MAP3K20: variants seen among roughly 807,000 people sequenced by gnomAD.
MAP3K20 encodes the protein HCCS-4.
MAP3K20 carries 40 observed loss-of-function variants against 85.7 expected under a neutral mutation model. The ratio of observed to expected loss-of-function variants is 0.47; its 90% CI spans 0.36 to 0.61. MAP3K20 has a LOEUF of 0.61. MAP3K20 is among the 20% of genes least tolerant of loss of function. The pLI is 0.00. For missense variants in MAP3K20, 817 were observed against 961.7 expected (o/e 0.85, Z 1.99); for synonymous variants, 325 against 327.7 (o/e 0.99, Z 0.09).
chr2:173,151,296 T>C (rs1462117508), intron 2 of MAP3K20, among the ~76,000 whole-genome samples: 1 of 152,228 alleles, frequency 6.6e-6, no homozygotes, highest in East Asian at 1.9e-4. Context: ...GGGAAGCTTC[T>C]AAGAAGCACC....
intron 8 of MAP3K20, among the ~76,000 whole-genome samples, chr2:173,201,825 C>CT (rs1230642603): frequency 2.2e-4 from 34 of 152,186 alleles, no homozygotes; most frequent in African/African-American, 7.7e-4. Flanking sequence ...CATAAAGTGT[C>CT]TGAGTCTAGA....
chr2:173,119,350 T>G (rs1413769857), intron 2 of MAP3K20, among the ~76,000 whole-genome samples: 1 of 152,212 alleles, frequency 6.6e-6, no homozygotes, highest in African/African-American at 2.4e-5. Flanking sequence ...AGGCTAAAGC[T>G]GGCCCACAAG....
intron 3 of MAP3K20, among the ~76,000 whole-genome samples, chr2:173,179,500 T>C (rs1193653387): frequency 6.6e-6 from 1 of 152,110 alleles, no homozygotes; most frequent in African/African-American, 2.4e-5. Flanking sequence ...TAATATCTTA[T>C]TCCACGGTGA....
At chr2:173,179,391 C>CAA (rs56111907) in intron 3 of MAP3K20, among the ~76,000 whole-genome samples, 17,892 of 129,126 alleles carry the variant, frequency 0.14, 1,374 homozygotes, top group South Asian at 0.31. Flanking sequence ...GACTCCATCT[C>CAA]AAAAAAAAAA....
chr2:173,080,969 T>C (rs1015220577), intron 1 of MAP3K20, among the ~76,000 whole-genome samples: 1 of 152,208 alleles, frequency 6.6e-6, no homozygotes, highest in Admixed American at 6.5e-5. Context: ...TCTTTACTTA[T>C]TAAACTTTTC....
chr2:173,153,041 G>A (rs1188125311), intron 2 of MAP3K20, among the ~76,000 whole-genome samples: 5 of 152,158 alleles, frequency 3.3e-5, no homozygotes, highest in Non-Finnish European at 7.3e-5. Context: ...TAATCTCTAA[G>A]TTTTCTATTT....
intron 5 of MAP3K20, among the ~76,000 whole-genome samples, chr2:173,188,561 T>G (rs1690560033): frequency 1.3e-5 from 2 of 151,948 alleles, no homozygotes; most frequent in Admixed American, 1.3e-4. Context: ...ATCGATCAGG[T>G]ACCCTTGCAC....
At chr2:173,108,378 G>T (rs183152995) in intron 2 of MAP3K20, among the ~76,000 whole-genome samples, 4 of 152,128 alleles carry the variant, frequency 2.6e-5, no homozygotes, top group Admixed American at 6.5e-5. Context: ...TGATCCGCCC[G>T]CCTCGGCCTC....
chr2:173,179,398 A>AG (rs1690258626), intron 3 of MAP3K20, among the ~76,000 whole-genome samples: 1 of 151,532 alleles, frequency 6.6e-6, no homozygotes, highest in Non-Finnish European at 1.5e-5. Context: ...TCTCAAAAAA[A>AG]AAAAAAAAGT....
intron 4 of MAP3K20, among the ~76,000 whole-genome samples, chr2:173,186,955 C>T (rs1229680321): frequency 1.3e-5 from 2 of 152,136 alleles, no homozygotes; most frequent in Non-Finnish European, 1.5e-5. Flanking sequence ...TACTTTGTAA[C>T]TACTGTATAC....
chr2:173,216,063 A>C (rs1227132115), intron 10 of MAP3K20, among the ~76,000 whole-genome samples: 6 of 152,018 alleles, frequency 3.9e-5, no homozygotes, highest in Admixed American at 3.9e-4. Flanking sequence ...TCTAGCCTTG[A>C]CTTCCCTCTC....
chr2:173,261,356 G>A (rs1005960571), intron 18 of MAP3K20, among the ~76,000 whole-genome samples: 2 of 152,204 alleles, frequency 1.3e-5, no homozygotes, highest in Non-Finnish European at 2.9e-5. Flanking sequence ...GATAGCGACT[G>A]AGGTAGTACT....
At chr2:173,135,701 G>A (rs1688780416) in intron 2 of MAP3K20, among the ~76,000 whole-genome samples, 1 of 152,162 alleles carries the variant, frequency 6.6e-6, no homozygotes, top group Admixed American at 6.5e-5. Context: ...CTTATAAAAT[G>A]GGGATAATTT....
chr2:173,141,143 T>C (rs1166672393), intron 2 of MAP3K20, among the ~76,000 whole-genome samples: 1 of 152,202 alleles, frequency 6.6e-6, no homozygotes, highest in Non-Finnish European at 1.5e-5. Context: ...GCTACCACAT[T>C]CCTTTTAATA....
At chr2:173,199,899 T>C (rs1690988827) in intron 8 of MAP3K20, among the ~76,000 whole-genome samples, 1 of 152,196 alleles carries the variant, frequency 6.6e-6, no homozygotes, top group Non-Finnish European at 1.5e-5. Flanking sequence ...GAATCACCCA[T>C]GAATAACCTT....
chr2:173,180,412 C>T (rs1477805281), intron 3 of MAP3K20, among the ~76,000 whole-genome samples: 1 of 152,124 alleles, frequency 6.6e-6, no homozygotes, highest in Non-Finnish European at 1.5e-5. Flanking sequence ...GTGGCTCACA[C>T]CTGTAATTCC....
intron 2 of MAP3K20, among the ~76,000 whole-genome samples, chr2:173,132,887 A>G (rs1688657797): frequency 6.6e-6 from 1 of 152,234 alleles, no homozygotes; most frequent in South Asian, 2.1e-4. Context: ...TGCCTAGCAC[A>G]TAGTATTAAA....
intron 11 of MAP3K20, among the ~76,000 whole-genome samples, chr2:173,217,650 CAG>C (rs1420791200): frequency 1.3e-5 from 2 of 152,206 alleles, no homozygotes; most frequent in African/African-American, 2.4e-5. Context: ...CACTGACTAA[CAG>C]AGTCTTTGAT....
At chr2:173,216,139 G>A (rs1684064767) in intron 10 of MAP3K20, among the ~76,000 whole-genome samples, 1 of 152,188 alleles carries the variant, frequency 6.6e-6, no homozygotes, top group Non-Finnish European at 1.5e-5. Context: ...AAGGGAAAGA[G>A]CTTCCAGTTT....
Sources: allele counts gnomAD v4.1 joint callset (sites outside exome capture counted in the v4.1 genomes callset), GRCh38; gene constraint gnomAD v4.1.1; transcripts MANE v1.5; gene names NCBI Gene and HGNC (gene_info 2026-07-23, HGNC 2026-07-21).